DACT1: variants seen among roughly 807,000 people sequenced by gnomAD.
DACT1 encodes the protein dapper homolog 1.
In DACT1, 19 loss-of-function variants were observed where a neutral mutation model predicts 35.3. The observed-to-expected ratio is 0.54, with a 90% CI of 0.38 to 0.79. The LOEUF (loss-of-function observed/expected upper bound fraction) is 0.79, where lower values mean the gene tolerates loss of function less well. Ranked by LOEUF, DACT1 falls within the 30% of genes least tolerant of loss-of-function variation. The pLI, the probability that DACT1 is intolerant of heterozygous loss-of-function variation, is 0.00. For synonymous variants in DACT1, 545 were observed against 466.7 expected (o/e 1.17, Z -2.16); for missense variants, 1,143 against 1,057.5 (o/e 1.08, Z -1.12).
chr14:58,642,530 C>G (rs2047637589), intron 3 of DACT1, among the ~76,000 whole-genome samples: 1 of 150,722 alleles, frequency 6.6e-6, no homozygotes. Flanking sequence ...CCTGTCTCTA[C>G]TAAAAACACA....
upstream of DACT1, among the ~76,000 whole-genome samples, chr14:58,634,822 C>A (rs1442298046): frequency 6.6e-6 from 1 of 152,190 alleles, no homozygotes; most frequent in East Asian, 1.9e-4. Context: ...CTGTTAGGAG[C>A]TGTTCTGCCT....
Position 58,647,245 on chromosome 14 carries a change from T to TA in DACT1, c.*118dup, listed in dbSNP as rs896247064. The stretch of plus-strand genomic sequence containing the variant: ...TATAATACTTTAATGGAATGCTTTT[T>TA]AAAAAAATATAAAACCAAGGTAAAT... On this transcript the variant is annotated 3_prime_UTR_variant, in exon 4 of 4. Transcript: ENST00000395153. 47 of 1,253,332 alleles carry TA rather than the reference T, an allele frequency of 3.7e-5. No individual in the cohort carries two copies. In the Admixed American group the frequency reaches 7.2e-4, roughly 19 times the overall value. The allele number at this position is 1,253,332 out of a possible 1,614,324, so 77.6% of individuals were successfully genotyped here.
At chr14:58,639,379 C>T (rs2047606538) in intron 1 of DACT1, 2 of 586,312 alleles carry the variant, frequency 3.4e-6, no homozygotes, top group South Asian at 7.5e-5. Flanking sequence ...CTTTTGACCC[C>T]GCCTCAGAAT....
At position 58,647,369 on chromosome 14, in the gene DACT1, TAGTG is replaced by T. The variant is rs1263816040; in HGVS notation, c.*239_*242del. ...CATATTGAGGTTTTAATGGTGGTGA[TAGTG>T]AGTTTTGTGGCACCAGCTGTTTTTT... On this transcript the variant is annotated 3_prime_UTR_variant, in exon 4 of 4. Coordinates refer to ENST00000395153, the MANE Select transcript of DACT1 (RefSeq NM_001079520.2). 4 of 527,236 alleles carry T rather than the reference TAGTG, an allele frequency of 7.6e-6. No individual in the cohort carries two copies. In the South Asian group the frequency reaches 1.1e-4, roughly 14 times the overall value. 32.7% of individuals were successfully genotyped at this position (527,236 alleles called of 1,614,324 possible).
rs764488499 is a variant in DACT1, at chr14:58,646,194, C to G, written c.1460C>G (p.Pro487Arg). ...CAGGGCGTCCCCCCGGCCACTCCTC[C>G]CCTGCTGTCTACAGCTTTCCCCGTG... Reference protein sequence around the residue: ...SLQGVPPATPPLLSTAFPVEE... With the variant: ...SLQGVPPATPRLLSTAFPVEE... Residue 487 changes from proline (P) to arginine (R), a missense_variant, in exon 4 of 4, where the codon CCC (proline) becomes CGC (arginine). Pro to Arg is a moderately radical substitution (Grantham distance 103, BLOSUM62 -2). Coordinates refer to ENST00000395153, the MANE Select transcript of DACT1 (RefSeq NM_001079520.2). 1 of 1,613,794 alleles carries G rather than the reference C, an allele frequency of 6.2e-7. No homozygotes were observed. Among genetic ancestry groups the G allele is most frequent in the Non-Finnish European group, 8.5e-7 (1 of 1,179,918 alleles).
rs1383757950 is a variant in DACT1, at chr14:58,646,338, G to T, written c.1604G>T (p.Gly535Val). ...GQQPSVRLHR[G>V]HRNMGVVKNS... ...CAGCCCAGTGTCAGGCTCCACCGGG[G>T]CCACAGGAACATGGGCGTCGTGAAG... The change falls in exon 4 of 4, where the codon GGC becomes GTC. Residue 535 changes from glycine (G) to valine (V), a missense_variant. Gly to Val is a moderately radical substitution (Grantham distance 109, BLOSUM62 -3). Around this residue, in one of 3 missense-constraint regions of DACT1, gnomAD observed 1,054 missense variants for 958.8 expected, o/e 1.10. Coordinates refer to ENST00000395153, the MANE Select transcript of DACT1 (RefSeq NM_001079520.2). 4 of 1,608,694 alleles carry T rather than the reference G, an allele frequency of 2.5e-6. No homozygotes were observed. In the South Asian group the frequency reaches 3.3e-5, roughly 13 times the overall value.
intron 3 of DACT1, chr14:58,645,127 A>G: frequency 1.4e-6 from 1 of 733,474 alleles, no homozygotes; most frequent in East Asian, 2.7e-5. Flanking sequence ...TACATGTGAA[A>G]TGGTAGGGCA....
chr14:58,645,343 A>G (rs777781896), intron 3 of DACT1, 26 bp from the exon 4 acceptor site: 52 of 1,614,062 alleles, frequency 3.2e-5, no homozygotes, highest in East Asian at 2.4e-4. Flanking sequence ...CCACACCACA[A>G]TTTAATTCCC....
At chr14:58,645,115 C>T in intron 3 of DACT1, 2 of 684,646 alleles carry the variant, frequency 2.9e-6, no homozygotes, top group Non-Finnish European at 4.9e-6. Flanking sequence ...AGTAGCAGTA[C>T]CTACATGTGA....
Position 58,641,722 on chromosome 14 carries a change from C to A in DACT1, c.609C>A (p.Leu203=). 1.2e-6 allele frequency: 2 copies of A among 1,614,012 alleles called. No individual in the cohort carries two copies. Among genetic ancestry groups the A allele is most frequent in the Non-Finnish European group, 1.7e-6 (2 of 1,179,992 alleles). ...GCCCCTTGGAGGCGACCTTGAGTCT[C>A]TCAGATGGTTGCCCCAAATCTGCAG... The part of the protein sequence containing the change: ...FCSPLEATLS[L]SDGCPKSADV... Residue 203 remains leucine, a synonymous_variant, in exon 3 of 4, where the codon CTC becomes CTA. Coordinates refer to ENST00000395153, the MANE Select transcript of DACT1 (RefSeq NM_001079520.2).
intron 1 of DACT1, chr14:58,638,986 A>G: frequency 2.0e-6 from 2 of 985,908 alleles, no homozygotes; most frequent in Non-Finnish European, 2.4e-6. Context: ...AAAGCCAAGG[A>G]GGGGGTTTGT....
At position 58,638,291 on chromosome 14, in the gene DACT1, G is replaced by A. The variant is rs1486413535; in HGVS notation, c.89G>A (p.Arg30His). ...GEQRTAEPEG[R>H]WREKGEADTE... ...CAGCGCACGGCGGAGCCCGAGGGGC[G>A]CTGGCGGGAGAAGGGCGAGGCAGAC... is the stretch of plus-strand genomic sequence containing the variant. Residue 30 changes from arginine to histidine, a missense_variant, in exon 1 of 4, where the codon CGC (arginine) becomes CAC (histidine). By Grantham distance (29) the Arg-to-His change is conservative. Coordinates refer to ENST00000395153, the MANE Select transcript of DACT1 (RefSeq NM_001079520.2). 1 of 1,347,522 alleles carries A rather than the reference G, an allele frequency of 7.4e-7. No homozygotes were observed. The highest frequency in any genetic ancestry group is 1.8e-5 in the South Asian group (1 of 54,344). The allele number at this position is 1,347,522 out of a possible 1,614,324, so 83.5% of individuals were successfully genotyped here.
rs750772666 is a variant in DACT1, at chr14:58,646,383, G to A, written c.1649G>A (p.Arg550His). Residue 550 changes from arginine (R) to histidine (H), a missense_variant, in exon 4 of 4, where the codon CGC (arginine) becomes CAC (histidine). By Grantham distance (29) the Arg-to-His change is conservative (BLOSUM62 0). Around this residue, in one of 3 missense-constraint regions of DACT1, gnomAD observed 1,054 missense variants for 958.8 expected, o/e 1.10. Coordinates refer to ENST00000395153, the MANE Select transcript of DACT1 (RefSeq NM_001079520.2). ...GTGAAGAACTCCAGCCTGAAGCACC[G>A]CGGCCCAGCCCTCCAGGGGCTGGAG... is the stretch of plus-strand genomic sequence containing the variant. ...GVVKNSSLKH[R>H]GPALQGLENG... The A allele has an allele frequency of 1.1e-5, 17 of 1,604,466 alleles. No individual in the cohort carries two copies. The highest frequency in any genetic ancestry group is 1.4e-5 in the Non-Finnish European group (17 of 1,177,702).
chr14:58,647,028 A>C lies in DACT1; in HGVS notation c.2294A>C (p.His765Pro), dbSNP rs763534936. The change falls in exon 4 of 4, where the codon CAC (histidine) becomes CCC (proline). Residue 765 changes from histidine to proline, a missense_variant. His to Pro is a moderately conservative substitution (Grantham distance 77). This residue lies in a region of DACT1 where 1,054 missense variants were observed against 958.8 expected (regional missense o/e 1.10). Transcript: ENST00000395153. ...PIQTVTAPDL[H>P]NHPAKTFVKI... ...CAAACGGTAACGGCCCCAGACCTTC[A>C]CAACCACCCCGCAAAAACCTTTGTC... The C allele has an allele frequency of 1.7e-5, 28 of 1,614,032 alleles. No homozygotes were observed. Among genetic ancestry groups the C allele is most frequent in the Non-Finnish European group, 2.2e-5 (26 of 1,180,018 alleles).
chr14:58,642,024 T>G (rs949250347), intron 3 of DACT1, among the ~76,000 whole-genome samples: 6 of 152,240 alleles, frequency 3.9e-5, no homozygotes, highest in African/African-American at 1.4e-4. Flanking sequence ...TTGAGCTCTG[T>G]TTCTGAGCCT....
In DACT1 at chr14:58,646,692, C is replaced by T. The variant is rs763869734; in HGVS notation, c.1958C>T (p.Ala653Val). Residue 653 changes from alanine to valine, a missense_variant, in exon 4 of 4, where the codon GCC becomes GTC. Coordinates refer to ENST00000395153, the MANE Select transcript of DACT1 (RefSeq NM_001079520.2). ...KSSAEISYEEALRRARRGRRE... is the reference protein window; with the variant it reads ...KSSAEISYEEVLRRARRGRRE... Reference sequence around the variant, plus strand: ...TCGGCCGAGATTTCCTACGAAGAGGCCCTGAGGAGGGCCCGGCGCGGTCGC... The same window carrying T: ...TCGGCCGAGATTTCCTACGAAGAGGTCCTGAGGAGGGCCCGGCGCGGTCGC... The T allele has an allele frequency of 1.5e-5, 25 of 1,613,094 alleles. No individual in the cohort carries two copies. In the East Asian group the frequency reaches 3.6e-4, roughly 23 times the overall value.
intron 1 of DACT1, among the ~76,000 whole-genome samples, chr14:58,639,845 C>G (rs1319214386): frequency 6.6e-6 from 1 of 152,262 alleles, no homozygotes; most frequent in Non-Finnish European, 1.5e-5. Context: ...CCAGTTCTCA[C>G]TGGTTATGGC....
chr14:58,641,013 T>C (rs575726060), intron 2 of DACT1, 145 bp downstream of exon 2: 1 of 904,998 alleles, frequency 1.1e-6, no homozygotes, highest in Admixed American at 2.6e-5. Flanking sequence ...TGCCATTCAG[T>C]TTTATCGGAA....
Position 58,645,874 on chromosome 14 carries a change from G to GAAT in DACT1, c.1140_1141insAAT (p.Lys380_Gln381insAsn). 6.2e-7 allele frequency: 1 copy of GAAT among 1,614,252 alleles called. No individual in the cohort carries two copies. The highest frequency in any genetic ancestry group is 8.5e-7 in the Non-Finnish European group (1 of 1,180,054). ...ACAATGGGACATTCTCCCCACCGAA[G>GAAT]CAGTGGTCGAAAGAATCAAAGGCCG... On this transcript the variant is annotated inframe_insertion, in exon 4 of 4. Transcript: ENST00000395153.
Sources: allele counts gnomAD v4.1 joint callset (sites outside exome capture counted in the v4.1 genomes callset), GRCh38; gene constraint gnomAD v4.1.1; regional missense constraint gnomAD v4.1.1; transcripts MANE v1.5; gene names NCBI Gene and HGNC (gene_info 2026-07-23, HGNC 2026-07-21).